Variants in PDE3A observed in about 807,000 individuals in gnomAD.
The protein encoded by PDE3A is cGMP-inhibited 3',5'-cyclic phosphodiesterase 3A.
Under a neutral mutation model 98.3 loss-of-function variants are expected in PDE3A, and 43 were observed. The observed-to-expected ratio is 0.44, with a 90% CI of 0.34 to 0.56. The LOEUF (loss-of-function observed/expected upper bound fraction) is 0.56, where lower values mean the gene tolerates loss of function less well. PDE3A is among the 20% of genes least tolerant of loss of function. The pLI, the probability that PDE3A is intolerant of heterozygous loss-of-function variation, is 0.01. For missense variants in PDE3A, 1,427 were observed against 1,440.7 expected, an observed-to-expected ratio of 0.99 and a Z score of 0.15; for synonymous variants, 663 against 567.9, an observed-to-expected ratio of 1.17 and a Z score of -2.38.
At chr12:20,469,406 C>T (rs1305073488) in intron 1 of PDE3A, among the ~76,000 whole-genome samples, 4 of 152,162 alleles carry the variant, frequency 2.6e-5, no homozygotes, top group African/African-American at 9.6e-5. Flanking sequence ...CAGTCGTAGT[C>T]CATCTAGTCA....
intron 1 of PDE3A, among the ~76,000 whole-genome samples, chr12:20,458,450 G>A (rs902279515): frequency 6.6e-6 from 1 of 151,820 alleles, no homozygotes; most frequent in Non-Finnish European, 1.5e-5. Context: ...GAGTGTGCTG[G>A]GTTACATTTT....
chr12:20,651,063 G>A (rs1944903766), intron 14 of PDE3A, among the ~76,000 whole-genome samples: 2 of 152,110 alleles, frequency 1.3e-5, no homozygotes, highest in Non-Finnish European at 2.9e-5. Context: ...ATATGTATAT[G>A]TATATGGTAG....
At chr12:20,415,823 G>A (rs1341440034) in intron 1 of PDE3A, among the ~76,000 whole-genome samples, 1 of 152,188 alleles carries the variant, frequency 6.6e-6, no homozygotes, top group African/African-American at 2.4e-5. Flanking sequence ...TGAAGCTCAT[G>A]GGATATTAGA....
chr12:20,426,199 T>G (rs1331193644), intron 1 of PDE3A, among the ~76,000 whole-genome samples: 1 of 152,156 alleles, frequency 6.6e-6, no homozygotes, highest in Non-Finnish European at 1.5e-5. Context: ...TATTTATCCC[T>G]CATTCAGGCA....
intron 3 of PDE3A, among the ~76,000 whole-genome samples, chr12:20,614,699 G>A (rs1178168600): frequency 6.6e-6 from 1 of 152,162 alleles, no homozygotes; most frequent in Non-Finnish European, 1.5e-5. Flanking sequence ...GTATTTAAGA[G>A]TGTTTGAGTT....
At chr12:20,418,616 C>T (rs1283891845) in intron 1 of PDE3A, among the ~76,000 whole-genome samples, 4 of 151,956 alleles carry the variant, frequency 2.6e-5, no homozygotes, top group South Asian at 2.1e-4. Flanking sequence ...TGTTTATTGC[C>T]GATTTCTCTC....
At chr12:20,539,743 T>C (rs1343248476) in intron 1 of PDE3A, among the ~76,000 whole-genome samples, 1 of 151,964 alleles carries the variant, frequency 6.6e-6, no homozygotes, top group Non-Finnish European at 1.5e-5. Context: ...GCTAAGAAAA[T>C]GGGAAAATGT....
At chr12:20,492,278 C>A (rs1042304533) in intron 1 of PDE3A, among the ~76,000 whole-genome samples, 2 of 152,168 alleles carry the variant, frequency 1.3e-5, no homozygotes, top group Non-Finnish European at 2.9e-5. Flanking sequence ...GCCACTGCAG[C>A]AGTCCTAGTA....
chr12:20,437,370 C>G (rs962673750), intron 1 of PDE3A, among the ~76,000 whole-genome samples: 1 of 152,038 alleles, frequency 6.6e-6, no homozygotes, highest in African/African-American at 2.4e-5. Context: ...ATGGGTTAGG[C>G]CATTCTTGCA....
At chr12:20,581,140 G>A (rs923411582) in intron 2 of PDE3A, among the ~76,000 whole-genome samples, 1 of 152,118 alleles carries the variant, frequency 6.6e-6, no homozygotes. Context: ...ATTATGAAAA[G>A]CACTCAGAAC....
Position 20,683,226 on chromosome 12 carries a change from A to G in PDE3A, c.*2955A>G, listed in dbSNP as rs1377701161. On this transcript the variant is annotated 3_prime_UTR_variant, in exon 16 of 16. Coordinates refer to ENST00000359062, the MANE Select transcript of PDE3A (RefSeq NM_000921.5). Reference sequence around the variant, plus strand: ...AGGATGCTAAGGGACATTTTCTGCCAGTAGAGTTCTCCCCCTTTTTGGTGA... The same window carrying G: ...AGGATGCTAAGGGACATTTTCTGCCGGTAGAGTTCTCCCCCTTTTTGGTGA... 1 of 152,216 alleles carries G rather than the reference A, an allele frequency of 6.6e-6. No individual in the cohort carries two copies. Among genetic ancestry groups the G allele is most frequent in the Non-Finnish European group, 1.5e-5 (1 of 68,038 alleles). The allele number at this position is 152,216 out of a possible 1,614,324, so 9.4% of individuals were successfully genotyped here. A position where few individuals can be genotyped will look rare whatever the true frequency, so the allele number is the denominator to read the frequency against.
intron 15 of PDE3A, among the ~76,000 whole-genome samples, chr12:20,661,672 C>A (rs569311557): frequency 4.5e-4 from 68 of 152,302 alleles, no homozygotes; most frequent in Non-Finnish European, 7.5e-4. Flanking sequence ...GCCTTGGCAC[C>A]TTCCATGTGG....
At chr12:20,669,181 A>G (rs1340822970) in intron 15 of PDE3A, among the ~76,000 whole-genome samples, 1 of 150,992 alleles carries the variant, frequency 6.6e-6, no homozygotes, top group African/African-American at 2.4e-5. Flanking sequence ...CAAAGCCTCC[A>G]AGAAATATGG....
chr12:20,392,008 C>T (rs1943924954), intron 1 of PDE3A, among the ~76,000 whole-genome samples: 1 of 151,926 alleles, frequency 6.6e-6, no homozygotes, highest in South Asian at 2.1e-4. Context: ...TTGTCGTATG[C>T]CTACTTACGA....
intron 1 of PDE3A, among the ~76,000 whole-genome samples, chr12:20,403,347 G>C (rs1436828430): frequency 6.6e-6 from 1 of 152,166 alleles, no homozygotes; most frequent in African/African-American, 2.4e-5. Context: ...GTGGTTAGCA[G>C]GTATCTTTGT....
chr12:20,521,081 AC>A (rs1946415777), intron 1 of PDE3A, among the ~76,000 whole-genome samples: 1 of 150,038 alleles, frequency 6.7e-6, no homozygotes, highest in Non-Finnish European at 1.5e-5. Flanking sequence ...TTTGTTGTAT[AC>A]CTTTTCCTTC....
At chr12:20,593,857 G>C (rs1943400674) in intron 2 of PDE3A, among the ~76,000 whole-genome samples, 1 of 152,036 alleles carries the variant, frequency 6.6e-6, no homozygotes, top group Admixed American at 6.6e-5. Context: ...TTATAACATA[G>C]GGTGAGGGCT....
At chr12:20,398,245 T>C (rs1944055668) in intron 1 of PDE3A, among the ~76,000 whole-genome samples, 1 of 151,434 alleles carries the variant, frequency 6.6e-6, no homozygotes, top group Non-Finnish European at 1.5e-5. Context: ...CAGTTATCAC[T>C]GGTCTGGAGA....
intron 1 of PDE3A, among the ~76,000 whole-genome samples, chr12:20,423,508 G>A (rs1366592795): frequency 1.3e-5 from 2 of 152,026 alleles, no homozygotes; most frequent in Non-Finnish European, 2.9e-5. Context: ...GTTTCTCTGT[G>A]GCAGAGGAAA....
Sources: allele counts gnomAD v4.1 joint callset (sites outside exome capture counted in the v4.1 genomes callset), GRCh38; gene constraint gnomAD v4.1.1; transcripts MANE v1.5; gene names NCBI Gene and HGNC (gene_info 2026-07-23, HGNC 2026-07-21).